Variants in GALNT13 observed in about 807,000 individuals in gnomAD.
GALNT13 encodes polypeptide N-acetylgalactosaminyltransferase 13.
In GALNT13, 28 loss-of-function variants were observed where a neutral mutation model predicts 64.2. The ratio of observed to expected loss-of-function variants is 0.44; its 90% confidence interval spans 0.32 to 0.60. The LOEUF (loss-of-function observed/expected upper bound fraction) is 0.60. Among genes scored for constraint, GALNT13 ranks in the 20% least tolerant of loss-of-function variants. The pLI, the probability that GALNT13 is intolerant of heterozygous loss-of-function variation, is 0.05. For synonymous variants in GALNT13, 214 were observed against 224.6 expected (o/e 0.95, Z 0.42); for missense variants, 577 against 669.8 (o/e 0.86, Z 1.53).
At chr2:153,939,754 T>C (rs761271454) in intron 2 of GALNT13, among the ~76,000 whole-genome samples, 1 of 152,206 alleles carries the variant, frequency 6.6e-6, no homozygotes, top group African/African-American at 2.4e-5. Flanking sequence ...CTAGTAATAA[T>C]AACTAATCTA....
the GALNT13 span, among the ~76,000 whole-genome samples, chr2:153,437,270 T>C: frequency 2.6e-5 from 4 of 152,208 alleles, no homozygotes; most frequent in East Asian, 7.7e-4. Flanking sequence ...TTGGAATAGG[T>C]GTGGTGTGGT....
intron 3 of GALNT13, among the ~76,000 whole-genome samples, chr2:154,044,723 A>G (rs1048799619): frequency 6.6e-6 from 1 of 152,210 alleles, no homozygotes; most frequent in African/African-American, 2.4e-5. Context: ...AAGGAGAATG[A>G]AGGATAATTC....
chr2:153,959,677 G>A (rs1294948247), intron 3 of GALNT13, among the ~76,000 whole-genome samples: 1 of 152,232 alleles, frequency 6.6e-6, no homozygotes, highest in Non-Finnish European at 1.5e-5. Context: ...GGCACAGACT[G>A]TGGGACCTGG....
chr2:153,098,760 A>T, the GALNT13 span, among the ~76,000 whole-genome samples: 97 of 152,298 alleles, frequency 6.4e-4, 1 homozygote, highest in African/African-American at 2.2e-3. Context: ...TCAGGGTGGA[A>T]TTGACTGGAG....
Position 154,321,107 on chromosome 2 carries a change from G to GA in GALNT13, c.1156+19519dup, listed in dbSNP as rs1429894348. ...GTTGCCCAGGAAAATGGAAAGATGA[G>GA]AGGGGATACAAGGATCTGCAGTAGG... On this transcript the variant is annotated intron_variant, in intron 9 of 12. Transcript: ENST00000392825. Among the ~76,000 whole-genome samples, 5 of 152,172 alleles carry GA rather than the reference G, an allele frequency of 3.3e-5. No homozygotes were observed. In the East Asian group the frequency reaches 9.6e-4, roughly 29 times the overall value.
chr2:153,429,105 G>A, the GALNT13 span, among the ~76,000 whole-genome samples: 1 of 151,944 alleles, frequency 6.6e-6, no homozygotes, highest in South Asian at 2.1e-4. Flanking sequence ...TGGCATCCAT[G>A]TTATCACCAA....
chr2:154,084,560 A>G (rs1701432848), intron 3 of GALNT13, among the ~76,000 whole-genome samples: 1 of 151,886 alleles, frequency 6.6e-6, no homozygotes, highest in Non-Finnish European at 1.5e-5. Flanking sequence ...CTACAATACT[A>G]ATGCTTTCAC....
At chr2:154,152,908 T>C (rs1684141088) in intron 4 of GALNT13, among the ~76,000 whole-genome samples, 1 of 152,232 alleles carries the variant, frequency 6.6e-6, no homozygotes, top group African/African-American at 2.4e-5. Context: ...AGTTTGATCG[T>C]CTGAAGCCTT....
intron 8 of GALNT13, among the ~76,000 whole-genome samples, chr2:154,267,049 C>T (rs962447455): frequency 2.0e-5 from 3 of 151,848 alleles, no homozygotes; most frequent in Admixed American, 1.3e-4. Context: ...TTAACACATA[C>T]GTGGACAACT....
the GALNT13 span, among the ~76,000 whole-genome samples, chr2:153,711,396 A>G: frequency 6.6e-6 from 1 of 152,138 alleles, no homozygotes; most frequent in Non-Finnish European, 1.5e-5. Flanking sequence ...AAGCTACTGT[A>G]TACTGCATAG....
At chr2:154,172,197 G>A (rs751677970) in intron 4 of GALNT13, among the ~76,000 whole-genome samples, 5 of 151,944 alleles carry the variant, frequency 3.3e-5, no homozygotes, top group East Asian at 1.9e-4. Context: ...CATAATAGAT[G>A]TACATAGTTT....
chr2:153,345,345 G>C, the GALNT13 span, among the ~76,000 whole-genome samples: 2 of 152,186 alleles, frequency 1.3e-5, no homozygotes, highest in Admixed American at 1.3e-4. Context: ...AAGAAGCAGG[G>C]AGAACCTAGA....
chr2:154,222,564 G>T (rs1688377202), intron 4 of GALNT13, among the ~76,000 whole-genome samples: 1 of 152,228 alleles, frequency 6.6e-6, no homozygotes, highest in Non-Finnish European at 1.5e-5. Flanking sequence ...CATAAAAGGT[G>T]AACTGTGTAG....
the GALNT13 span, among the ~76,000 whole-genome samples, chr2:153,117,105 GTTGTCTTCTTT>G: frequency 6.6e-6 from 1 of 152,056 alleles, no homozygotes; most frequent in Non-Finnish European, 1.5e-5. Flanking sequence ...GGCTGGGTGT[GTTGTCTTCTTT>G]TTAAGAAAAA....
intron 3 of GALNT13, among the ~76,000 whole-genome samples, chr2:154,114,142 C>G (rs1164118351): frequency 6.6e-6 from 1 of 152,158 alleles, no homozygotes; most frequent in Non-Finnish European, 1.5e-5. Flanking sequence ...TCCACCATCC[C>G]TCCAGAGATG....
chr2:154,248,093 G>A (rs925163254), intron 7 of GALNT13, among the ~76,000 whole-genome samples: 8 of 152,202 alleles, frequency 5.3e-5, no homozygotes, highest in Admixed American at 1.3e-4. Flanking sequence ...AAATGAAGCT[G>A]AAATTTTAGT....
the GALNT13 span, among the ~76,000 whole-genome samples, chr2:153,595,159 GT>G: frequency 6.6e-6 from 1 of 151,906 alleles, no homozygotes. Context: ...ATATTTTAGA[GT>G]TGGTAATAAA....
At chr2:153,726,675 C>T in the GALNT13 span, among the ~76,000 whole-genome samples, 1 of 152,046 alleles carries the variant, frequency 6.6e-6, no homozygotes, top group Non-Finnish European at 1.5e-5. Context: ...GGTGCGGTGG[C>T]TCATGCCTGT....
chr2:153,382,795 T>C, the GALNT13 span, among the ~76,000 whole-genome samples: 1 of 152,072 alleles, frequency 6.6e-6, no homozygotes, highest in African/African-American at 2.4e-5. Flanking sequence ...TTTAACTTTT[T>C]TCTTACTCTA....
Sources: gnomAD v4.1 joint callset for allele counts (sites outside exome capture counted in the v4.1 genomes callset) on GRCh38, gnomAD v4.1.1 for gene constraint, MANE v1.5 for transcripts, NCBI Gene and HGNC (gene_info 2026-07-23, HGNC 2026-07-21) for gene names.